The following PNISR variants were observed in gnomAD, a reference collection of about 807,000 sequenced individuals.
PNISR encodes arginine/serine-rich protein PNISR.
PNISR carries 20 observed loss-of-function variants against 93.4 expected under a neutral mutation model. The observed-to-expected ratio is 0.21, with a 90% confidence interval of 0.15 to 0.31. The LOEUF is 0.31. Among genes scored for constraint, PNISR ranks in the 10% least tolerant of loss-of-function variants. The pLI is 1.00. For missense variants in PNISR, 893 were observed against 985.4 expected, an observed-to-expected ratio of 0.91 and a Z score of 1.25; for synonymous variants, 305 against 306.5, an observed-to-expected ratio of 0.99 and a Z score of 0.05.
intron 1 of PNISR, 39 bp downstream of exon 1, chr6:99,425,176 C>T (rs1779338113): frequency 8.3e-7 from 1 of 1,205,984 alleles, no homozygotes; most frequent in East Asian, 3.2e-5. Context: ...TTGTAATGGT[C>T]CGGCAAGTGC....
Position 99,401,367 on chromosome 6 carries a change from CAGTACTACT to C in PNISR, c.1582_1590del (p.Ser528_Thr530del), listed in dbSNP as rs762075396. ...CTAGAACTGTATGAAGAGCTAGAGA[CAGTACTACT>C]AGTACTACTAGTTCTGCTATTGCTA... On this transcript the variant is annotated inframe_deletion, in exon 12 of 12. Coordinates refer to ENST00000369239, the MANE Select transcript of PNISR (RefSeq NM_032870.4). 50 of 1,612,164 alleles carry C rather than the reference CAGTACTACT, an allele frequency of 3.1e-5. No homozygotes were observed. The highest frequency in any genetic ancestry group is 4.0e-5 in the Non-Finnish European group (47 of 1,178,416).
intron 2 of PNISR, chr6:99,415,559 A>T (rs567719622): frequency 6.6e-6 from 1 of 152,214 alleles, no homozygotes; most frequent in Non-Finnish European, 1.5e-5. Context: ...AAAAGGTTTA[A>T]AAGTCTTACA....
At chr6:99,424,900 GTTCCCACTGCGCACGCGCAGT>G (rs1389130719) in intron 1 of PNISR, 2 of 244,980 alleles carry the variant, frequency 8.2e-6, no homozygotes, top group African/African-American at 2.2e-5. Context: ...CCACAAGGGG[GTTCCCACTGCGCACGCGCAGT>G]GTTTAACGGC....
At position 99,412,007 on chromosome 6, in the gene PNISR, G is replaced by C; in HGVS notation, c.277+544C>G. The C allele has an allele frequency of 1.1e-5, 3 of 271,606 alleles. No individual in the cohort carries two copies. In the South Asian group the frequency reaches 1.2e-4, roughly 11 times the overall value. 16.8% of individuals were successfully genotyped at this position (271,606 alleles called of 1,614,324 possible). On this transcript the variant is annotated intron_variant, in intron 4 of 11. Coordinates refer to ENST00000369239, the MANE Select transcript of PNISR (RefSeq NM_032870.4). The stretch of plus-strand genomic sequence containing the variant: ...ACACAAGCCATGGAAGACTGAATTA[G>C]CATCAAGAAATCTACATCATACTGT...
In PNISR at chr6:99,400,561, C is replaced by T; in HGVS notation, c.2397G>A (p.Lys799=). The T allele has an allele frequency of 6.2e-7, 1 of 1,613,784 alleles. No individual in the cohort carries two copies. Among genetic ancestry groups the T allele is most frequent in the South Asian group, 1.1e-5 (1 of 91,038 alleles). Residue 799 remains lysine, a synonymous_variant, in exon 12 of 12, where the codon AAG becomes AAA. Coordinates refer to ENST00000369239, the MANE Select transcript of PNISR (RefSeq NM_032870.4). ...RSGKKASRKH[K]SKSRSR ...TATACTACCTTGATCGGGACTTAGA[C>T]TTGTGTTTGCGGCTTGCCTTCTTAC... is the stretch of plus-strand genomic sequence containing the variant.
chr6:99,423,777 T>A (rs1456104452), intron 1 of PNISR, among the ~76,000 whole-genome samples: 2 of 152,188 alleles, frequency 1.3e-5, no homozygotes, highest in Non-Finnish European at 2.9e-5. Context: ...TACCAAAGAC[T>A]GGGTGGCTTA....
intron 3 of PNISR, among the ~76,000 whole-genome samples, chr6:99,413,390 C>CCA (rs1243885825): frequency 1.1e-4 from 14 of 129,222 alleles, no homozygotes; most frequent in Non-Finnish European, 2.0e-4. Context: ...TTTTACGTAT[C>CCA]TATCCATCCA....
At chr6:99,425,138 G>T in intron 1 of PNISR, 77 bp downstream of exon 1, 1 of 999,328 alleles carries the variant, frequency 1.0e-6, no homozygotes, top group Non-Finnish European at 1.3e-6. Flanking sequence ...TTTAAGTTAT[G>T]CTACCTTCGC....
chr6:99,403,955 G>A (rs905491524), intron 9 of PNISR, 73 bp from the exon 10 acceptor site: 3 of 1,056,450 alleles, frequency 2.8e-6, no homozygotes, highest in African/African-American at 3.1e-5. Context: ...TGAGTCTATG[G>A]TATTGTTAAA....
Position 99,400,657 on chromosome 6 carries a change from A to T in PNISR, c.2301T>A (p.Ser767Arg). Residue 767 changes from serine to arginine, a missense_variant, in exon 12 of 12, where the codon AGT becomes AGA. Coordinates refer to ENST00000369239, the MANE Select transcript of PNISR (RefSeq NM_032870.4). ...SGRSSSESPG[S>R]SKEKKAKKPK... The stretch of plus-strand genomic sequence containing the variant: ...GCTTCTTAGCCTTCTTTTCTTTGCT[A>T]CTTCCTGGAGACTCAGAACTGCTCC... The T allele has an allele frequency of 6.2e-7, 1 of 1,613,786 alleles. No individual in the cohort carries two copies. The highest frequency in any genetic ancestry group is 1.6e-4 in the Middle Eastern group (1 of 6,062).
At chr6:99,414,535 C>A (rs371692203) in intron 3 of PNISR, 37 bp downstream of exon 3, 3 of 1,104,902 alleles carry the variant, frequency 2.7e-6, no homozygotes, top group Admixed American at 3.5e-5. Context: ...TTCCACATAT[C>A]CAACCCCGCC....
intron 11 of PNISR, among the ~76,000 whole-genome samples, 188 bp downstream of exon 11, chr6:99,402,352 T>A (rs1462686143): frequency 1.3e-5 from 2 of 152,194 alleles, no homozygotes; most frequent in African/African-American, 2.4e-5. Context: ...CCTAAATAGC[T>A]TGGCTTATAG....
chr6:99,409,053 A>T, intron 6 of PNISR, 120 bp downstream of exon 6: 1 of 734,626 alleles, frequency 1.4e-6, no homozygotes, highest in Non-Finnish European at 2.3e-6. Flanking sequence ...CATAAAAAAT[A>T]AAGTGTCAAT....
intron 3 of PNISR, among the ~76,000 whole-genome samples, chr6:99,413,928 G>T (rs1777319507): frequency 6.6e-6 from 1 of 152,156 alleles, no homozygotes; most frequent in Non-Finnish European, 1.5e-5. Context: ...ACAAGATTAT[G>T]CTAATTGTTT....
At chr6:99,406,594 A>C (rs891090643) in intron 7 of PNISR, among the ~76,000 whole-genome samples, 6 of 152,194 alleles carry the variant, frequency 3.9e-5, no homozygotes, top group Admixed American at 1.3e-4. Context: ...CTATTTACCT[A>C]AAGTTGCACG....
Position 99,412,641 on chromosome 6 carries a change from T to C in PNISR, c.187A>G (p.Asn63Asp), listed in dbSNP as rs1175364186. 6.2e-7 allele frequency: 1 copy of C among 1,612,748 alleles called. No individual in the cohort carries two copies. Among genetic ancestry groups the C allele is most frequent in the Non-Finnish European group, 8.5e-7 (1 of 1,179,112 alleles). ...TCCATTGTAGACATATCTTGTCCATTTGGCATCATTCCTGGTGGTTGTTCT... is the reference window on the plus strand; with the variant it reads ...TCCATTGTAGACATATCTTGTCCATCTGGCATCATTCCTGGTGGTTGTTCT... The part of the protein sequence containing the change: ...MVEQPPGMMP[N>D]GQDMSTMESG... Residue 63 changes from asparagine (N) to aspartate (D), a missense_variant, in exon 4 of 12, where the codon AAT becomes GAT. Physicochemically the swap from Asn to Asp is conservative, Grantham distance 23. This residue lies in a region of PNISR where 866 missense variants were observed against 935.1 expected (regional missense o/e 0.93). Transcript: ENST00000369239.
intron 1 of PNISR, 68 bp from the exon 2 acceptor site, chr6:99,416,496 A>G (rs1005039357): frequency 9.7e-5 from 48 of 497,378 alleles, no homozygotes; most frequent in Non-Finnish European, 3.5e-5. Flanking sequence ...AATTCTAGAG[A>G]TGCAACATAA....
At chr6:99,419,028 T>C (rs1778128488) in intron 1 of PNISR, among the ~76,000 whole-genome samples, 1 of 151,758 alleles carries the variant, frequency 6.6e-6, no homozygotes, top group East Asian at 1.9e-4. Flanking sequence ...CACTGGCCTG[T>C]AGTCCCAGCT....
intron 8 of PNISR, among the ~76,000 whole-genome samples, chr6:99,405,221 T>C (rs1255600388): frequency 1.3e-5 from 2 of 152,028 alleles, no homozygotes; most frequent in Non-Finnish European, 2.9e-5. Flanking sequence ...TCCCAGCACT[T>C]TGGGAGGCCG....
Sources: gnomAD v4.1 joint callset for allele counts (sites outside exome capture counted in the v4.1 genomes callset) on GRCh38, gnomAD v4.1.1 for gene constraint, gnomAD v4.1.1 regional missense constraint, MANE v1.5 for transcripts, NCBI Gene and HGNC (gene_info 2026-07-23, HGNC 2026-07-21) for gene names.